DNER: variants seen among roughly 807,000 people sequenced by gnomAD.
The protein encoded by DNER is delta and Notch-like epidermal growth factor-related receptor.
DNER carries 33 observed loss-of-function variants against 78.2 expected under a neutral mutation model. The observed-to-expected ratio is 0.42, with a 90% CI of 0.32 to 0.56. The LOEUF (loss-of-function observed/expected upper bound fraction) is 0.56, where lower values mean the gene tolerates loss of function less well. DNER is among the 20% of genes least tolerant of loss of function. DNER has a pLI of 0.11. For missense variants in DNER, 918 were observed against 975.3 expected (o/e 0.94, Z 0.78); for synonymous variants, 417 against 384.8 (o/e 1.08, Z -0.98).
intron 9 of DNER, among the ~76,000 whole-genome samples, chr2:229,408,370 G>A (rs1052504432): frequency 6.6e-6 from 1 of 152,054 alleles, no homozygotes; most frequent in African/African-American, 2.4e-5. Flanking sequence ...TACACTGGAT[G>A]CCAAGATGGA....
intron 7 of DNER, among the ~76,000 whole-genome samples, chr2:229,458,439 A>AATT (rs1210423349): frequency 5.9e-5 from 9 of 151,990 alleles, no homozygotes; most frequent in African/African-American, 2.2e-4. Flanking sequence ...AGTAACTGAC[A>AATT]GAATCAATTG....
intron 1 of DNER, among the ~76,000 whole-genome samples, chr2:229,673,704 C>A (rs184413862): frequency 6.6e-6 from 1 of 152,222 alleles, no homozygotes; most frequent in Admixed American, 6.5e-5. Flanking sequence ...CAAAGAAAAC[C>A]GAGGCACCAA....
At chr2:229,364,526 G>T (rs1391232459) in intron 12 of DNER, among the ~76,000 whole-genome samples, 1 of 152,146 alleles carries the variant, frequency 6.6e-6, no homozygotes, top group African/African-American at 2.4e-5. Context: ...AAGGCGCTAA[G>T]ATGAGCAGCC....
intron 6 of DNER, among the ~76,000 whole-genome samples, chr2:229,488,905 G>T (rs62191995): frequency 4.5e-4 from 69 of 152,262 alleles, no homozygotes; most frequent in Non-Finnish European, 8.4e-4. Flanking sequence ...ATTTGTTGAG[G>T]GCTTACTATG....
chr2:229,581,933 A>C (rs1697405309), intron 4 of DNER, among the ~76,000 whole-genome samples: 1 of 152,132 alleles, frequency 6.6e-6, no homozygotes, highest in Non-Finnish European at 1.5e-5. Context: ...GTCCTTAGTT[A>C]TGTATGTGCA....
chr2:229,360,308 A>G (rs1293827997), intron 12 of DNER, among the ~76,000 whole-genome samples: 1 of 152,258 alleles, frequency 6.6e-6, no homozygotes, highest in Admixed American at 6.5e-5. Context: ...TAGGATATAG[A>G]GAGCTTTGAC....
intron 1 of DNER, among the ~76,000 whole-genome samples, chr2:229,644,137 ATTAATTT>A (rs1291638509): frequency 1.3e-5 from 2 of 152,038 alleles, no homozygotes; most frequent in African/African-American, 4.8e-5. Context: ...CTACACTTTT[ATTAATTT>A]TTAATTTTTA....
At chr2:229,608,899 A>T (rs1697995355) in intron 1 of DNER, among the ~76,000 whole-genome samples, 1 of 152,194 alleles carries the variant, frequency 6.6e-6, no homozygotes, top group African/African-American at 2.4e-5. Flanking sequence ...TTGTAGGTTT[A>T]AAATAGTTCA....
intron 10 of DNER, among the ~76,000 whole-genome samples, chr2:229,393,791 G>C (rs902729676): frequency 1.2e-4 from 18 of 152,102 alleles, no homozygotes; most frequent in African/African-American, 7.2e-5. Flanking sequence ...AGCTTGCAGT[G>C]AGCCGGGTTC....
intron 4 of DNER, among the ~76,000 whole-genome samples, chr2:229,576,067 G>T (rs1697292991): frequency 6.6e-6 from 1 of 151,988 alleles, no homozygotes; most frequent in African/African-American, 2.4e-5. Flanking sequence ...ACATTCCAAT[G>T]GTTCTCCCCG....
At chr2:229,467,115 C>CCTGGGTCG (rs1694822133) in intron 7 of DNER, among the ~76,000 whole-genome samples, 1 of 152,074 alleles carries the variant, frequency 6.6e-6, no homozygotes, top group African/African-American at 2.4e-5. Flanking sequence ...TTGTGAGTGT[C>CCTGGGTCG]CTGGGTCGCA....
chr2:229,413,321 CTTTTTTTT>C (rs398061160), intron 9 of DNER, among the ~76,000 whole-genome samples: 1 of 67,774 alleles, frequency 1.5e-5, no homozygotes, highest in African/African-American at 4.9e-5. Flanking sequence ...TTTTCTTCTT[CTTTTTTTT>C]TTTTTTTTTT....
chr2:229,603,491 AAG>A (rs1288296507), intron 1 of DNER, among the ~76,000 whole-genome samples: 3 of 152,228 alleles, frequency 2.0e-5, no homozygotes, highest in Admixed American at 6.5e-5. Context: ...AGCCATGAAA[AAG>A]AAAGAACTAT....
chr2:229,398,427 G>C (rs1016517911), intron 10 of DNER, among the ~76,000 whole-genome samples: 2 of 151,942 alleles, frequency 1.3e-5, no homozygotes, highest in African/African-American at 4.8e-5. Context: ...ATTTAAAGAA[G>C]AATTAATAGC....
intron 4 of DNER, among the ~76,000 whole-genome samples, chr2:229,582,406 G>C (rs895001221): frequency 6.6e-6 from 1 of 151,982 alleles, no homozygotes; most frequent in South Asian, 2.1e-4. Flanking sequence ...GAAGAGCTCG[G>C]GACAGGACTG....
chr2:229,656,615 A>G (rs1015256584), intron 1 of DNER, among the ~76,000 whole-genome samples: 1 of 152,176 alleles, frequency 6.6e-6, no homozygotes, highest in Non-Finnish European at 1.5e-5. Flanking sequence ...TTTCTTGTCA[A>G]TAATTAAAAT....
At chr2:229,704,706 AG>A (rs1244221064) in intron 1 of DNER, among the ~76,000 whole-genome samples, 1 of 152,272 alleles carries the variant, frequency 6.6e-6, no homozygotes, top group Non-Finnish European at 1.5e-5. Flanking sequence ...GGAAATGTAT[AG>A]GGATGATTGC....
At position 229,714,379 on chromosome 2, in the gene DNER, G is replaced by A. The variant is rs1243654503; in HGVS notation, c.45C>T (p.Pro15=). ...RAQAPGAQLL[P]ALALLLLLLG... ...GCAGCAGCAGCAGCAGGGCCAGCGC[G>A]GGCAGCAGCTGCGCACCGGGCGCCT... The change falls in exon 1 of 13, where the codon CCC becomes CCT. Residue 15 remains proline (P), a synonymous_variant. Coordinates refer to ENST00000341772, the MANE Select transcript of DNER (RefSeq NM_139072.4). The A allele has an allele frequency of 4.2e-5, 51 of 1,211,692 alleles. No homozygotes were observed. Among genetic ancestry groups the A allele is most frequent in the Non-Finnish European group, 4.8e-5 (47 of 978,136 alleles). 75.1% of individuals were successfully genotyped at this position (1,211,692 alleles called of 1,614,324 possible).
intron 1 of DNER, among the ~76,000 whole-genome samples, chr2:229,690,079 A>G (rs208792): frequency 0.85 from 128,709 of 152,222 alleles, 54,640 homozygotes; most frequent in East Asian, 0.94. Context: ...TAAATCTTCC[A>G]AATGATCAAC....
Sources: allele counts gnomAD v4.1 joint callset (sites outside exome capture counted in the v4.1 genomes callset), GRCh38; gene constraint gnomAD v4.1.1; transcripts MANE v1.5; gene names NCBI Gene and HGNC (gene_info 2026-07-23, HGNC 2026-07-21).